Variants in EIF4E3 observed in about 807,000 individuals in gnomAD.
EIF4E3 encodes the protein eukaryotic translation initiation factor 4E type 3.
A neutral mutation model predicts 31.7 loss-of-function variants in EIF4E3; 26 were observed. The ratio of observed to expected loss-of-function variants is 0.82; its 90% CI spans 0.60 to 1.14. EIF4E3 has a LOEUF of 1.14. EIF4E3 is among the 50% of genes most tolerant of loss of function. The pLI, the probability that EIF4E3 is intolerant of heterozygous loss-of-function variation, is 0.00. For missense variants in EIF4E3, 304 were observed against 270.9 expected, an observed-to-expected ratio of 1.12 and a Z score of -0.86; for synonymous variants, 128 against 107.7, an observed-to-expected ratio of 1.19 and a Z score of -1.17.
At chr3:71,664,575 G>C in the EIF4E3 span, among the ~76,000 whole-genome samples, 2 of 152,186 alleles carry the variant, frequency 1.3e-5, no homozygotes, top group African/African-American at 4.8e-5. Context: ...TTGAGAGAGA[G>C]AGAGAGGCCC....
Position 71,684,542 on chromosome 3 carries a change from A to G in EIF4E3, c.*140T>C. 1.2e-6 allele frequency: 1 copy of G among 833,526 alleles called. No individual in the cohort carries two copies. Among genetic ancestry groups the G allele is most frequent in the Non-Finnish European group, 1.9e-6 (1 of 539,528 alleles). The allele number at this position is 833,526 out of a possible 1,614,324, so 51.6% of individuals were successfully genotyped here. On this transcript the variant is annotated 3_prime_UTR_variant, in exon 7 of 7. Transcript: ENST00000425534. Reference sequence around the variant, plus strand: ...CACCCCACCTGCCACTTTGAGTCCTAATTGCCCATCTGCAAGGACAGAAAC... The same window carrying G: ...CACCCCACCTGCCACTTTGAGTCCTGATTGCCCATCTGCAAGGACAGAAAC...
At chr3:71,743,471 A>G (rs895653169) in intron 1 of EIF4E3, among the ~76,000 whole-genome samples, 17 of 152,220 alleles carry the variant, frequency 1.1e-4, no homozygotes, top group African/African-American at 4.1e-4. Context: ...GCTGAGAGAA[A>G]TAAAAGAAGA....
chr3:71,697,802 G>T (rs1483839592), intron 3 of EIF4E3, among the ~76,000 whole-genome samples: 1 of 151,928 alleles, frequency 6.6e-6, no homozygotes, highest in Non-Finnish European at 1.5e-5. Context: ...ATTTTCTTTA[G>T]TCATTCATCT....
chr3:71,744,348 T>C (rs1295971531), intron 1 of EIF4E3, among the ~76,000 whole-genome samples: 1 of 152,196 alleles, frequency 6.6e-6, no homozygotes, highest in South Asian at 2.1e-4. Context: ...ATGTTCAATA[T>C]CATTGGTCAT....
At chr3:71,746,633 T>C (rs2049875918) in intron 1 of EIF4E3, among the ~76,000 whole-genome samples, 2 of 152,204 alleles carry the variant, frequency 1.3e-5, no homozygotes. Context: ...GACACCTCCA[T>C]AGGCCACAGA....
chr3:71,739,486 A>G (rs1157034452), intron 1 of EIF4E3, among the ~76,000 whole-genome samples: 2 of 152,100 alleles, frequency 1.3e-5, no homozygotes, highest in Non-Finnish European at 2.9e-5. Context: ...ACCTGAGGCT[A>G]TGTGCCCCAG....
At chr3:71,750,146 T>G (rs1451580693) in intron 1 of EIF4E3, among the ~76,000 whole-genome samples, 1 of 152,248 alleles carries the variant, frequency 6.6e-6, no homozygotes, top group Non-Finnish European at 1.5e-5. Flanking sequence ...TCTTCTTTTG[T>G]GTCCTTTTCT....
intron 1 of EIF4E3, among the ~76,000 whole-genome samples, chr3:71,717,613 C>T (rs895061483): frequency 4.6e-5 from 7 of 152,112 alleles, no homozygotes; most frequent in African/African-American, 9.7e-5. Context: ...TGTCCAGCTC[C>T]GATACTTTAG....
At chr3:71,735,955 A>C (rs772904956) in intron 1 of EIF4E3, among the ~76,000 whole-genome samples, 1 of 152,250 alleles carries the variant, frequency 6.6e-6, no homozygotes, top group Non-Finnish European at 1.5e-5. Flanking sequence ...TTTTAATTCA[A>C]CAATAAGAAA....
chr3:71,751,899 A>G (rs2049932536), intron 1 of EIF4E3, among the ~76,000 whole-genome samples: 1 of 152,108 alleles, frequency 6.6e-6, no homozygotes, highest in Non-Finnish European at 1.5e-5. Flanking sequence ...CTGACCTCCA[A>G]ACTTCTTCTT....
upstream of EIF4E3, among the ~76,000 whole-genome samples, chr3:71,729,796 GAA>G (rs2049683097): frequency 7.1e-6 from 1 of 140,654 alleles, no homozygotes; most frequent in South Asian, 2.3e-4. Flanking sequence ...CATTCCAATA[GAA>G]TGTGTGTGTG....
intron 1 of EIF4E3, among the ~76,000 whole-genome samples, chr3:71,711,175 A>C (rs903447949): frequency 4.6e-5 from 7 of 152,218 alleles, no homozygotes; most frequent in Non-Finnish European, 8.8e-5. Context: ...GGTTTTACCA[A>C]GGACCATTGC....
intron 1 of EIF4E3, among the ~76,000 whole-genome samples, chr3:71,713,159 C>T (rs2049408815): frequency 1.3e-5 from 2 of 152,218 alleles, no homozygotes; most frequent in South Asian, 4.1e-4. Flanking sequence ...TCCGTTGAAG[C>T]ACTGAATCCC....
chr3:71,698,325 T>TA (rs2049168623), intron 3 of EIF4E3, among the ~76,000 whole-genome samples: 1 of 152,098 alleles, frequency 6.6e-6, no homozygotes, highest in African/African-American at 2.4e-5. Flanking sequence ...GGACAACAAA[T>TA]ACAGCTGCCA....
chr3:71,680,464 C>T lies in EIF4E3; in HGVS notation c.*4218G>A, dbSNP rs1415859404. On this transcript the variant is annotated 3_prime_UTR_variant, in exon 7 of 7. Coordinates refer to ENST00000425534, the MANE Select transcript of EIF4E3 (RefSeq NM_001134651.2). ...AAAATTCTAAGAGTCCCTGAATGTTCTTTTAAAAATGGATTTATGTCAGCA... is the reference window on the plus strand; with the variant it reads ...AAAATTCTAAGAGTCCCTGAATGTTTTTTTAAAAATGGATTTATGTCAGCA... 4 of 152,240 alleles carry T rather than the reference C, an allele frequency of 2.6e-5. No individual in the cohort carries two copies. The East Asian group carries it at 7.7e-4, about 29-fold the overall frequency. 9.4% of individuals were successfully genotyped at this position (152,240 alleles called of 1,614,324 possible).
chr3:71,715,566 A>T (rs959396254), intron 1 of EIF4E3, among the ~76,000 whole-genome samples: 1 of 152,218 alleles, frequency 6.6e-6, no homozygotes, highest in African/African-American at 2.4e-5. Context: ...ATACAGGCAG[A>T]GCTGTGGAAA....
downstream of EIF4E3, among the ~76,000 whole-genome samples, chr3:71,673,494 CAAT>C (rs1314164528): frequency 2.0e-5 from 3 of 151,362 alleles, no homozygotes; most frequent in African/African-American, 4.9e-5. Context: ...AATTTGAAAA[CAAT>C]AATGAGATTA....
chr3:71,719,625 G>C (rs778885747), intron 1 of EIF4E3, among the ~76,000 whole-genome samples: 5 of 152,164 alleles, frequency 3.3e-5, no homozygotes, highest in Non-Finnish European at 7.4e-5. Flanking sequence ...ACATAAGGAA[G>C]TTAGATCTAT....
intron 1 of EIF4E3, among the ~76,000 whole-genome samples, chr3:71,745,493 ATATAAAG>A (rs2049862464): frequency 6.6e-6 from 1 of 152,190 alleles, no homozygotes; most frequent in African/African-American, 2.4e-5. Context: ...AATCGCCACC[ATATAAAG>A]TATATTCACT....
Sources: gnomAD v4.1 joint callset for allele counts (sites outside exome capture counted in the v4.1 genomes callset) on GRCh38, gnomAD v4.1.1 for gene constraint, MANE v1.5 for transcripts, NCBI Gene and HGNC (gene_info 2026-07-23, HGNC 2026-07-21) for gene names.